The following GNAQ variants were observed in gnomAD, a reference collection of about 807,000 sequenced individuals.
GNAQ encodes guanine nucleotide-binding protein G(q) subunit alpha.
A neutral mutation model predicts 43.9 loss-of-function variants in GNAQ; 8 were observed. That is an observed-to-expected ratio of 0.18 (90% CI 0.11 to 0.33). GNAQ has a LOEUF of 0.33. Ranked by LOEUF, GNAQ falls within the 10% of genes least tolerant of loss-of-function variation. The probability of loss-of-function intolerance (pLI) is 1.00; values close to 1 mark genes in which losing one functional copy is unlikely to be tolerated. For missense variants in GNAQ, 158 were observed against 450.8 expected, an observed-to-expected ratio of 0.35 and a Z score of 5.88; for synonymous variants, 155 against 170.7, an observed-to-expected ratio of 0.91 and a Z score of 0.71.
chr9:77,885,386 A>C (rs1371698622), intron 2 of GNAQ, among the ~76,000 whole-genome samples: 1 of 152,212 alleles, frequency 6.6e-6, no homozygotes, highest in African/African-American at 2.4e-5. Context: ...TTTGCTGAAA[A>C]GTGAGGGTAG....
At chr9:77,893,190 T>G (rs1244135921) in intron 2 of GNAQ, among the ~76,000 whole-genome samples, 1 of 152,144 alleles carries the variant, frequency 6.6e-6, no homozygotes, top group Non-Finnish European at 1.5e-5. Context: ...GATGAGACAG[T>G]AGGTCAGCAC....
intron 1 of GNAQ, among the ~76,000 whole-genome samples, chr9:77,970,414 T>C (rs1260883769): frequency 1.3e-5 from 2 of 152,048 alleles, no homozygotes; most frequent in Admixed American, 6.5e-5. Flanking sequence ...CACACACACA[T>C]CAGGAAGAGA....
In GNAQ at chr9:77,721,316, G is replaced by C; in HGVS notation, c.*7C>G. 2 of 1,590,682 alleles carry C rather than the reference G, an allele frequency of 1.3e-6. No homozygotes were observed. Among genetic ancestry groups the C allele is most frequent in the Non-Finnish European group, 1.7e-6 (2 of 1,164,530 alleles). On this transcript the variant is annotated 3_prime_UTR_variant, in exon 7 of 7. Coordinates refer to ENST00000286548, the MANE Select transcript of GNAQ (RefSeq NM_002072.5). ...GGAAGGGCAGGGCGGGTGTCTAGGA[G>C]GCACAATTAGACCAGATTGTACTCC...
chr9:77,787,132 G>T (rs752646564), intron 5 of GNAQ, among the ~76,000 whole-genome samples: 1 of 152,058 alleles, frequency 6.6e-6, no homozygotes, highest in African/African-American at 2.4e-5. Flanking sequence ...TACTGTCTAC[G>T]CAAGGTTAAA....
At chr9:77,802,435 A>G (rs1440693171) in intron 3 of GNAQ, among the ~76,000 whole-genome samples, 1 of 152,140 alleles carries the variant, frequency 6.6e-6, no homozygotes, top group Admixed American at 6.5e-5. Context: ...AGAAAAGGTA[A>G]TAAAATAATC....
chr9:77,836,236 C>CT (rs888983323), intron 2 of GNAQ, among the ~76,000 whole-genome samples: 2 of 99,860 alleles, frequency 2.0e-5, no homozygotes, highest in East Asian at 5.5e-4. Flanking sequence ...AAAAGCCCCC[C>CT]CCGGATCTGT....
At chr9:77,866,586 T>C (rs1289742311) in intron 2 of GNAQ, among the ~76,000 whole-genome samples, 1 of 152,242 alleles carries the variant, frequency 6.6e-6, no homozygotes, top group Non-Finnish European at 1.5e-5. Context: ...CTAATCATAC[T>C]GATGGACAAA....
Position 78,022,200 on chromosome 9 carries a change from C to T in GNAQ, c.136+8900G>A, listed in dbSNP as rs1448171941. 2.6e-5 allele frequency among the ~76,000 whole-genome samples: 4 copies of T among 152,118 alleles called. No homozygotes were observed. The East Asian group carries it at 7.7e-4, about 29-fold the overall frequency. ...CCTGGCAATGCCTCCTAGTAGAGCC[C>T]ATCACTGCTGGAGACAGCAGCAAGC... On this transcript the variant is annotated intron_variant, in intron 1 of 6. Transcript: ENST00000286548.
chr9:77,726,909 G>T (rs7856137), intron 6 of GNAQ, among the ~76,000 whole-genome samples: 95,037 of 151,888 alleles, frequency 0.63, 30,858 homozygotes, highest in Non-Finnish European at 0.72. Context: ...CAGAGTAATT[G>T]AGGCTTTGCA....
At chr9:77,793,434 T>C (rs1202129416) in intron 5 of GNAQ, among the ~76,000 whole-genome samples, 1 of 152,126 alleles carries the variant, frequency 6.6e-6, no homozygotes, top group East Asian at 1.9e-4. Flanking sequence ...AGAAATACTA[T>C]AGGAGCTTGG....
At chr9:77,913,305 T>TAA (rs201193069) in intron 2 of GNAQ, among the ~76,000 whole-genome samples, 1,758 of 149,860 alleles carry the variant, frequency 0.012, 28 homozygotes, top group African/African-American at 0.04. Context: ...TATATATATA[T>TAA]AATTATAACA....
intron 2 of GNAQ, among the ~76,000 whole-genome samples, chr9:77,861,849 A>C (rs1827858449): frequency 6.6e-6 from 1 of 151,648 alleles, no homozygotes; most frequent in Non-Finnish European, 1.5e-5. Context: ...AAAATACAAA[A>C]ATTAGCCGGG....
At chr9:77,793,956 G>C (rs1385719796) in intron 5 of GNAQ, among the ~76,000 whole-genome samples, 1 of 152,040 alleles carries the variant, frequency 6.6e-6, no homozygotes. Flanking sequence ...AATTCTATAA[G>C]AGCAGAAAGG....
At chr9:78,003,472 A>G (rs1823667397) in intron 1 of GNAQ, among the ~76,000 whole-genome samples, 1 of 152,174 alleles carries the variant, frequency 6.6e-6, no homozygotes, top group South Asian at 2.1e-4. Flanking sequence ...CGAACCAGGA[A>G]GAAGGCTTTT....
chr9:77,819,378 G>A (rs1202382164), intron 2 of GNAQ, among the ~76,000 whole-genome samples: 3 of 152,184 alleles, frequency 2.0e-5, no homozygotes, highest in Non-Finnish European at 4.4e-5. Flanking sequence ...AGGAACTGAG[G>A]TCCTACCAAA....
intron 5 of GNAQ, among the ~76,000 whole-genome samples, chr9:77,770,957 C>G (rs912052610): frequency 1.3e-5 from 2 of 150,310 alleles, no homozygotes; most frequent in African/African-American, 2.5e-5. Flanking sequence ...TTTTCATTTT[C>G]TGAAAAATAT....
At chr9:77,817,239 G>A (rs1827033157) in intron 2 of GNAQ, among the ~76,000 whole-genome samples, 1 of 152,136 alleles carries the variant, frequency 6.6e-6, no homozygotes, top group South Asian at 2.1e-4. Flanking sequence ...AATCCCCACT[G>A]CTGTGCTCTG....
intron 5 of GNAQ, among the ~76,000 whole-genome samples, chr9:77,770,169 G>T (rs1042370604): frequency 1.3e-5 from 2 of 152,092 alleles, no homozygotes; most frequent in African/African-American, 4.8e-5. Context: ...GGTTTCGAGG[G>T]TTATATGTAT....
intron 2 of GNAQ, among the ~76,000 whole-genome samples, chr9:77,866,365 T>C (rs1827946782): frequency 6.6e-6 from 1 of 152,102 alleles, no homozygotes. Flanking sequence ...TAATCCCAGC[T>C]ACTTGGGAGG....
Sources: gnomAD v4.1 joint callset for allele counts (sites outside exome capture counted in the v4.1 genomes callset) on GRCh38, gnomAD v4.1.1 for gene constraint, MANE v1.5 for transcripts, NCBI Gene and HGNC (gene_info 2026-07-23, HGNC 2026-07-21) for gene names.